Variants in ZFYVE9 observed in about 807,000 individuals in gnomAD.
ZFYVE9 encodes the protein zinc finger FYVE-type containing 9.
A neutral mutation model predicts 126.7 loss-of-function variants in ZFYVE9; 43 were observed. The ratio of observed to expected loss-of-function variants is 0.34; its 90% CI spans 0.27 to 0.44. ZFYVE9 has a LOEUF of 0.44. Ranked by LOEUF, ZFYVE9 falls within the 20% of genes least tolerant of loss-of-function variation. The pLI, the probability that ZFYVE9 is intolerant of heterozygous loss-of-function variation, is 1.00. For synonymous variants in ZFYVE9, 521 were observed against 597.4 expected, an observed-to-expected ratio of 0.87 and a Z score of 1.87; for missense variants, 1,476 against 1,697.0, an observed-to-expected ratio of 0.87 and a Z score of 2.29.
In ZFYVE9 at chr1:52,336,363, T is replaced by G. The variant is rs541045853; in HGVS notation, c.3671-1409T>G. ...AATTGTTATGAAATCTAAGAGGTTT[T>G]TTTTGTTTTTTTTTTTTTTTTTTTA... is the stretch of plus-strand genomic sequence containing the variant. On this transcript the variant is annotated intron_variant, in intron 15 of 18. Transcript: ENST00000287727. Among the ~76,000 whole-genome samples the G allele has an allele frequency of 5.7e-4, 70 of 122,664 alleles. 2 individuals carry two copies. The highest frequency in any genetic ancestry group is 2.3e-3 in the African/African-American group (64 of 27,562). The allele number at this position is 122,664 out of a possible 152,430, so 80.5% of individuals were successfully genotyped here. A position where few individuals can be genotyped will look rare whatever the true frequency, so the allele number is the denominator to read the frequency against.
At chr1:52,276,622 T>C (rs1557495823) in intron 8 of ZFYVE9, among the ~76,000 whole-genome samples, 1 of 152,230 alleles carries the variant, frequency 6.6e-6, no homozygotes, top group Non-Finnish European at 1.5e-5. Flanking sequence ...ATATTTTCCA[T>C]TTCTTCCTTT....
intron 13 of ZFYVE9, among the ~76,000 whole-genome samples, chr1:52,332,070 G>T (rs143053954): frequency 6.6e-6 from 1 of 152,050 alleles, no homozygotes. Context: ...ATGAGCCACC[G>T]TGCCTGGCCC....
intron 5 of ZFYVE9, 69 bp downstream of exon 5, chr1:52,263,941 T>C: frequency 1.0e-6 from 1 of 1,004,498 alleles, no homozygotes; most frequent in Non-Finnish European, 1.5e-6. Flanking sequence ...GAGAAGACTT[T>C]TTTCCCCCTG....
chr1:52,316,868 G>A (rs967479137), intron 13 of ZFYVE9, among the ~76,000 whole-genome samples: 5 of 152,126 alleles, frequency 3.3e-5, no homozygotes, highest in African/African-American at 1.2e-4. Flanking sequence ...AAAATGTTCC[G>A]CACAACAGCA....
At chr1:52,144,384 G>C (rs539237503) in intron 1 of ZFYVE9, among the ~76,000 whole-genome samples, 1 of 152,168 alleles carries the variant, frequency 6.6e-6, no homozygotes, top group African/African-American at 2.4e-5. Context: ...AATCAGTTGA[G>C]AGTGCTTGTT....
chr1:52,258,578 G>T (rs918249880), intron 4 of ZFYVE9, among the ~76,000 whole-genome samples: 1 of 152,130 alleles, frequency 6.6e-6, no homozygotes, highest in Non-Finnish European at 1.5e-5. Context: ...ATTTCATCTT[G>T]ATCTTTTTAG....
rs569848551 is a variant in ZFYVE9, at chr1:52,293,741, C to A, written c.3250+64C>A. 5 of 1,452,570 alleles carry A rather than the reference C, an allele frequency of 3.4e-6. No individual in the cohort carries two copies. In the South Asian group the frequency reaches 4.9e-5, roughly 14 times the overall value. The allele number at this position is 1,452,570 out of a possible 1,614,324, so 90.0% of individuals were successfully genotyped here. A position where few individuals can be genotyped will look rare whatever the true frequency, so the allele number is the denominator to read the frequency against. Reference sequence around the variant, plus strand: ...AAAATAATGCCTGAAATATTCAGAGCCCTCTGTTTGGTGATATAATTCAGC... The same window carrying A: ...AAAATAATGCCTGAAATATTCAGAGACCTCTGTTTGGTGATATAATTCAGC... On this transcript the variant is annotated intron_variant, in intron 11 of 18. Transcript: ENST00000287727.
At chr1:52,155,522 C>T (rs1644395629) in intron 1 of ZFYVE9, among the ~76,000 whole-genome samples, 1 of 152,240 alleles carries the variant, frequency 6.6e-6, no homozygotes, top group Non-Finnish European at 1.5e-5. Context: ...GCGTGAGCCA[C>T]CACGCCCGGC....
chr1:52,312,308 A>G (rs1646146003), intron 13 of ZFYVE9, among the ~76,000 whole-genome samples: 1 of 152,208 alleles, frequency 6.6e-6, no homozygotes, highest in South Asian at 2.1e-4. Context: ...AGAAGACTAT[A>G]AAGGAATAGC....
intron 3 of ZFYVE9, among the ~76,000 whole-genome samples, chr1:52,237,272 T>G (rs995183886): frequency 3.9e-5 from 6 of 152,182 alleles, no homozygotes; most frequent in African/African-American, 1.4e-4. Context: ...GTAGAATTCT[T>G]TTGTTGTTTG....
chr1:52,264,361 C>G (rs936327479), intron 5 of ZFYVE9, among the ~76,000 whole-genome samples: 2 of 152,114 alleles, frequency 1.3e-5, no homozygotes, highest in Admixed American at 6.6e-5. Context: ...TAGAAAATTG[C>G]ATTTTTAAAG....
Position 52,305,343 on chromosome 1 carries a change from TG to T in ZFYVE9, c.3438+1419del, listed in dbSNP as rs1259269172. 3.3e-5 allele frequency among the ~76,000 whole-genome samples: 5 copies of T among 152,180 alleles called. 1 individual carries two copies. In the East Asian group the frequency reaches 9.7e-4, roughly 29 times the overall value. ...ACTCGGGAGGCTGAGGCAGGAGAAT[TG>T]CTTGAACATGGGAGGCAGAGGTTGC... is the stretch of plus-strand genomic sequence containing the variant. On this transcript the variant is annotated intron_variant, in intron 13 of 18. Transcript: ENST00000287727.
At chr1:52,303,066 C>T (rs1646050651) in intron 12 of ZFYVE9, among the ~76,000 whole-genome samples, 1 of 152,184 alleles carries the variant, frequency 6.6e-6, no homozygotes, top group Admixed American at 6.5e-5. Context: ...GCCAAGATGG[C>T]ACCACTGCAC....
intron 10 of ZFYVE9, among the ~76,000 whole-genome samples, chr1:52,287,575 G>C (rs1415758890): frequency 1.3e-5 from 2 of 151,830 alleles, no homozygotes; most frequent in African/African-American, 2.4e-5. Context: ...GATTAGTGCT[G>C]TTATAAAAGG....
At chr1:52,198,956 T>A (rs959301965) in intron 1 of ZFYVE9, among the ~76,000 whole-genome samples, 1 of 152,200 alleles carries the variant, frequency 6.6e-6, no homozygotes, top group African/African-American at 2.4e-5. Context: ...GGTTTGGACA[T>A]ATGTTTAATG....
Position 52,343,254 on chromosome 1 carries a change from T to C in ZFYVE9, c.3940-1514T>C, listed in dbSNP as rs1646455754. ...ATTAATTATTAAGAAGTCCTCAGCC[T>C]GGCCAGCATGGTGAAACCCCATCTC... On this transcript the variant is annotated intron_variant, in intron 17 of 18. Transcript: ENST00000287727. Among the ~76,000 whole-genome samples, 3 of 151,894 alleles carry C rather than the reference T, an allele frequency of 2.0e-5. No individual in the cohort carries two copies. In the South Asian group the frequency reaches 6.2e-4, roughly 32 times the overall value.
intron 1 of ZFYVE9, among the ~76,000 whole-genome samples, chr1:52,192,031 C>CTTT (rs34736381): frequency 1.4e-5 from 2 of 146,142 alleles, no homozygotes; most frequent in Non-Finnish European, 1.5e-5. Context: ...TTGGCAGGGG[C>CTTT]TTTTTTTTTT....
intron 1 of ZFYVE9, among the ~76,000 whole-genome samples, chr1:52,182,012 A>C (rs1474329386): frequency 3.5e-4 from 50 of 143,470 alleles, no homozygotes; most frequent in South Asian, 2.3e-4. Context: ...GGGTCAGCCC[A>C]CCGCCCGGCC....
At position 52,181,136 on chromosome 1, in the gene ZFYVE9, G is replaced by A. The variant is rs145359218; in HGVS notation, c.-142-35233G>A. 9.6e-3 allele frequency among the ~76,000 whole-genome samples: 1,465 copies of A among 151,826 alleles called. 76 individuals are homozygous for A. The East Asian group carries it at 0.13, about 13-fold the overall frequency. On this transcript the variant is annotated intron_variant, in intron 1 of 18. Coordinates refer to ENST00000287727, the MANE Select transcript of ZFYVE9 (RefSeq NM_004799.4). The stretch of plus-strand genomic sequence containing the variant: ...CACGGTCTCCCTCTGATGCCGAGCC[G>A]AAGCTGGACTGTACTGCTGCCATCT...
Sources: gnomAD v4.1 joint callset for allele counts (sites outside exome capture counted in the v4.1 genomes callset) on GRCh38, gnomAD v4.1.1 for gene constraint, MANE v1.5 for transcripts, NCBI Gene and HGNC (gene_info 2026-07-23, HGNC 2026-07-21) for gene names.